PXN: variants seen among roughly 807,000 people sequenced by gnomAD.
PXN encodes paxillin, also known as testicular tissue protein Li 134.
PXN carries 61 observed loss-of-function variants against 103.6 expected under a neutral mutation model. That is an observed-to-expected ratio of 0.59 (90% CI 0.48 to 0.73). PXN has a LOEUF of 0.73. Ranked by LOEUF, PXN falls within the 30% of genes least tolerant of loss-of-function variation. PXN has a pLI of 0.00. For missense variants in PXN, 1,274 were observed against 1,460.3 expected, an observed-to-expected ratio of 0.87 and a Z score of 2.08; for synonymous variants, 562 against 607.8, an observed-to-expected ratio of 0.92 and a Z score of 1.11.
rs1885264723 is a variant in PXN at position 120,221,869 on chromosome 12, G to C, written c.696-111C>G. On this transcript the variant is annotated intron_variant, in intron 5 of 14. Transcript: ENST00000637617. This position sits in a 1 kb window ranked among gnomAD's most constrained non-coding sequence, Gnocchi z 6.6. ...TGGGGTCTCACCATCCCCAACCCCA[G>C]GGAGGTCCACCAGCTCCCTGTCTCT... 1 of 1,425,472 alleles carries C rather than the reference G, an allele frequency of 7.0e-7. No individual in the cohort carries two copies. Among genetic ancestry groups the C allele is most frequent in the African/African-American group, 1.4e-5 (1 of 70,386 alleles). The allele number at this position is 1,425,472 out of a possible 1,614,324, so 88.3% of individuals were successfully genotyped here.
chr12:120,228,838 G>A lies in PXN; in HGVS notation c.14-4461C>T, dbSNP rs375919004. On this transcript the variant is annotated intron_variant, in intron 1 of 14. Coordinates refer to ENST00000637617, the MANE Select transcript of PXN (RefSeq NM_001385981.1). The surrounding 1 kb of genome is among the most constrained non-coding windows in gnomAD (Gnocchi z 4.7). ...CTGCACCCCATGGCTGCACCTGGTCGGAGCAACAGCATGGAACAGCTGCAG... is the reference window on the plus strand; with the variant it reads ...CTGCACCCCATGGCTGCACCTGGTCAGAGCAACAGCATGGAACAGCTGCAG... 5.6e-4 allele frequency among the ~76,000 whole-genome samples: 85 copies of A among 152,308 alleles called. 2 individuals are homozygous for A. In the South Asian group the frequency reaches 0.017, roughly 30 times the overall value.
chr12:120,226,075 G>A (rs1886793382), intron 1 of PXN: 1 of 1,107,168 alleles, frequency 9.0e-7, no homozygotes, highest in African/African-American at 1.6e-5. Flanking sequence ...GAACTAGAGG[G>A]AGTTGGTAGG....
At position 120,219,806 on chromosome 12, in the gene PXN, A is replaced by C; in HGVS notation, c.1117T>G (p.Trp373Gly). ...CCCTGACTCTCTGTGCCCACTGCCC[A>C]CAGAGAACCCTCCACAGAGGGAGAC... Reference protein sequence around the residue: ...SRSPSVEGSLWAVGTESQGRD... With the variant: ...SRSPSVEGSLGAVGTESQGRD... Residue 373 changes from tryptophan (W) to glycine (G), a missense_variant, in exon 7 of 15, where the codon TGG becomes GGG. Physicochemically the swap from Trp to Gly is radical, Grantham distance 184 (BLOSUM62 -2). Transcript: ENST00000637617. The surrounding 1 kb of genome is among the most constrained non-coding windows in gnomAD (Gnocchi z 6.5). The C allele has an allele frequency of 6.3e-7, 1 of 1,598,332 alleles. No individual in the cohort carries two copies.
At chr12:120,248,492 T>TCA (rs3221954) in intron 1 of PXN, among the ~76,000 whole-genome samples, 11,491 of 127,760 alleles carry the variant, frequency 0.09, 474 homozygotes, top group Middle Eastern at 0.14. Context: ...CAGATGACTT[T>TCA]CACACACACA....
chr12:120,227,178 CA>C, intron 1 of PXN: 1 of 987,768 alleles, frequency 1.0e-6, no homozygotes, highest in Non-Finnish European at 1.2e-6. Context: ...CCAGCCTGGG[CA>C]AAACAGTGAG....
Position 120,239,184 on chromosome 12 carries a change from C to T in PXN, c.14-14807G>A, listed in dbSNP as rs552441691. Among the ~76,000 whole-genome samples the T allele has an allele frequency of 6.6e-5, 10 of 152,300 alleles. No individual in the cohort carries two copies. In the East Asian group the frequency reaches 1.4e-3, roughly 21 times the overall value. On this transcript the variant is annotated intron_variant, in intron 1 of 14. Coordinates refer to ENST00000637617, the MANE Select transcript of PXN (RefSeq NM_001385981.1). ...AGTTTCTGCTGGGTGTGGTGGATCA[C>T]GCCTGTAATCCCAGCACTTTGGGAG...
intron 1 of PXN, among the ~76,000 whole-genome samples, chr12:120,249,101 C>T (rs1234077201): frequency 2.0e-5 from 3 of 152,072 alleles, no homozygotes; most frequent in Admixed American, 1.3e-4. Flanking sequence ...TGCACCACTG[C>T]ACTCCAGCCT....
In PXN at chr12:120,215,415, G is replaced by A. The variant is rs776554564; in HGVS notation, c.2404-142C>T. On this transcript the variant is annotated intron_variant, in intron 10 of 14. Coordinates refer to ENST00000637617, the MANE Select transcript of PXN (RefSeq NM_001385981.1). This position sits in a 1 kb window ranked among gnomAD's most constrained non-coding sequence, Gnocchi z 4.9. ...GTACAACCTCCTCCAGGGGCCAGGA[G>A]CCCTAAAGTGGGAGTGACGTCAGCA... 3.4e-6 allele frequency: 5 copies of A among 1,450,768 alleles called. No homozygotes were observed. The East Asian group carries it at 7.5e-5, about 22-fold the overall frequency. The allele number at this position is 1,450,768 out of a possible 1,614,324, so 89.9% of individuals were successfully genotyped here.
chr12:120,216,669 G>A lies in PXN; in HGVS notation c.1993-88C>T, dbSNP rs1022397506. 1.3e-6 allele frequency: 2 copies of A among 1,577,814 alleles called. No homozygotes were observed. Among genetic ancestry groups the A allele is most frequent in the Non-Finnish European group, 1.7e-6 (2 of 1,173,664 alleles). On this transcript the variant is annotated intron_variant, in intron 8 of 14. Coordinates refer to ENST00000637617, the MANE Select transcript of PXN (RefSeq NM_001385981.1). This position sits in a 1 kb window ranked among gnomAD's most constrained non-coding sequence, Gnocchi z 5.1. ...GCGGGACCTCCCCAGGCTCCCCCTGGGCCTTCCCACTCTGCACCAAGAGTG... is the reference window on the plus strand; with the variant it reads ...GCGGGACCTCCCCAGGCTCCCCCTGAGCCTTCCCACTCTGCACCAAGAGTG...
intron 1 of PXN, among the ~76,000 whole-genome samples, chr12:120,258,478 C>A (rs1489706546): frequency 6.6e-6 from 1 of 152,136 alleles, no homozygotes; most frequent in African/African-American, 2.4e-5. Context: ...CCCAGTCTTC[C>A]CACCACCTGC....
In PXN at chr12:120,211,489, G is replaced by A. The variant is rs1042383253; in HGVS notation, c.*825C>T. The A allele has an allele frequency of 6.0e-6, 1 of 167,664 alleles. No individual in the cohort carries two copies. The highest frequency in any genetic ancestry group is 2.4e-5 in the African/African-American group (1 of 41,976). The allele number at this position is 167,664 out of a possible 1,614,324, so 10.4% of individuals were successfully genotyped here. On this transcript the variant is annotated 3_prime_UTR_variant, in exon 15 of 15. Transcript: ENST00000637617. ...CACCATCAGTGACAGGCCCAGTGGCGGTGGATGAGGAAGAGAATACAAAAG... is the reference window on the plus strand; with the variant it reads ...CACCATCAGTGACAGGCCCAGTGGCAGTGGATGAGGAAGAGAATACAAAAG...
At chr12:120,247,360 A>C (rs1891344845) in intron 1 of PXN, 1 of 152,306 alleles carries the variant, frequency 6.6e-6, no homozygotes, top group African/African-American at 2.4e-5. Context: ...GGCAGCTGCC[A>C]CTAAACTCTG....
At chr12:120,264,468 G>A (rs534144987) in intron 1 of PXN, among the ~76,000 whole-genome samples, 79 of 152,210 alleles carry the variant, frequency 5.2e-4, no homozygotes, top group African/African-American at 1.8e-3. Flanking sequence ...GAGAGACAGC[G>A]AATCCTCCCA....
chr12:120,251,970 G>A (rs1273862916), intron 1 of PXN, among the ~76,000 whole-genome samples: 1 of 152,184 alleles, frequency 6.6e-6, no homozygotes, highest in Non-Finnish European at 1.5e-5. Context: ...AAGTATGTCA[G>A]GAAATGCACC....
At chr12:120,254,053 A>G (rs1011871338) in intron 1 of PXN, among the ~76,000 whole-genome samples, 11 of 151,626 alleles carry the variant, frequency 7.3e-5, no homozygotes, top group African/African-American at 2.4e-5. Context: ...GCTAATTTTT[A>G]TATTTTTGGT....
At chr12:120,234,936 G>A (rs1177535404) in intron 1 of PXN, among the ~76,000 whole-genome samples, 2 of 152,164 alleles carry the variant, frequency 1.3e-5, no homozygotes, top group Admixed American at 6.5e-5. Context: ...AGCTGTGACA[G>A]GTTGTCACTA....
At chr12:120,253,166 T>C (rs1892473884) in intron 1 of PXN, among the ~76,000 whole-genome samples, 1 of 152,072 alleles carries the variant, frequency 6.6e-6, no homozygotes, top group Non-Finnish European at 1.5e-5. Context: ...ACCTTGAGGT[T>C]TCCCATATGA....
At chr12:120,235,214 T>C (rs1594453594) in intron 1 of PXN, among the ~76,000 whole-genome samples, 1 of 152,136 alleles carries the variant, frequency 6.6e-6, no homozygotes, top group East Asian at 1.9e-4. Context: ...AGCTCCATGG[T>C]AGCTCCCAGA....
In PXN at chr12:120,265,620, G is replaced by C. The variant is rs759669028; in HGVS notation, c.10C>G (p.Leu4Val). ...CCTCGGCCTCCCGCTCACTCACCGA[G>C]GTCGTCCATGGCCGGACCACGGGCG... MDD[L>V]DALLADLEST... Residue 4 changes from leucine (L) to valine (V), a missense_variant, in exon 1 of 15, where the codon CTC becomes GTC. Coordinates refer to ENST00000637617, the MANE Select transcript of PXN (RefSeq NM_001385981.1). This position sits in a 1 kb window ranked among gnomAD's most constrained non-coding sequence, Gnocchi z 5.7. 1 of 1,485,572 alleles carries C rather than the reference G, an allele frequency of 6.7e-7. No individual in the cohort carries two copies. Among genetic ancestry groups the C allele is most frequent in the African/African-American group, 1.5e-5 (1 of 68,336 alleles). The allele number at this position is 1,485,572 out of a possible 1,614,324, so 92.0% of individuals were successfully genotyped here.
Sources: allele counts gnomAD v4.1 joint callset (sites outside exome capture counted in the v4.1 genomes callset), GRCh38; gene constraint gnomAD v4.1.1; non-coding constraint Gnocchi (gnomAD v3.1); transcripts MANE v1.5; gene names NCBI Gene and HGNC (gene_info 2026-07-23, HGNC 2026-07-21).